MLNR: variants seen among roughly 807,000 people sequenced by gnomAD.
MLNR encodes the protein G protein-coupled receptor 38.
In MLNR, 16 loss-of-function variants were observed where a neutral mutation model predicts 20.0. The observed-to-expected ratio is 0.80, with a 90% CI of 0.54 to 1.22. MLNR has a LOEUF of 1.22. Among genes scored for constraint, MLNR ranks in the 50% most tolerant of loss-of-function variants. The pLI, the probability that MLNR is intolerant of heterozygous loss-of-function variation, is 0.00. For missense variants in MLNR, 630 were observed against 592.3 expected (o/e 1.06, Z -0.66); for synonymous variants, 302 against 287.2 (o/e 1.05, Z -0.52).
Position 49,220,531 on chromosome 13 carries a change from G to A in MLNR, c.194G>A (p.Arg65His). 1 of 1,610,572 alleles carries A rather than the reference G, an allele frequency of 6.2e-7. No individual in the cohort carries two copies. The highest frequency in any genetic ancestry group is 8.5e-7 in the Non-Finnish European group (1 of 1,178,590). The change falls in exon 1 of 2, where the codon CGC becomes CAC. Residue 65 changes from arginine (R) to histidine (H), a missense_variant. Arg to His is a conservative substitution (Grantham distance 29). Coordinates refer to ENST00000218721, the MANE Select transcript of MLNR (RefSeq NM_001507.1). The surrounding 1 kb of genome is among the most constrained non-coding windows in gnomAD (Gnocchi z 4.4). ...GNVVTVMLIG[R>H]YRDMRTTTNL... ...GTGGTGACCGTGATGCTGATCGGGC[G>A]CTACCGGGACATGCGGACCACCACC...
At position 49,221,160 on chromosome 13, in the gene MLNR, T is replaced by C. The variant is rs1887005352; in HGVS notation, c.823T>C (p.Trp275Arg). The C allele has an allele frequency of 6.3e-7, 1 of 1,589,994 alleles. No individual in the cohort carries two copies. The highest frequency in any genetic ancestry group is 8.5e-7 in the Non-Finnish European group (1 of 1,176,582). Residue 275 changes from tryptophan to arginine, a missense_variant, in exon 1 of 2, where the codon TGG becomes CGG. By Grantham distance (101) the Trp-to-Arg change is moderately radical. Transcript: ENST00000218721. ...ILYGLIGRELWSSRRPLRGPA... is the reference protein window; with the variant it reads ...ILYGLIGRELRSSRRPLRGPA... ...CTACGGGCTCATCGGGCGGGAGCTG[T>C]GGAGCAGCCGGCGGCCGCTGCGAGG... is the stretch of plus-strand genomic sequence containing the variant.
chr13:49,221,273 C>A, intron 1 of MLNR, 35 bp downstream of exon 1: 1 of 1,539,676 alleles, frequency 6.5e-7, no homozygotes, highest in Non-Finnish European at 8.7e-7. Context: ...AAGACGCCTG[C>A]CTGCAGTCCG....
rs1201396634 is a variant in MLNR, at chr13:49,220,878, C to T, written c.541C>T (p.Gln181Ter). 6.4e-7 allele frequency: 1 copy of T among 1,568,906 alleles called. No homozygotes were observed. Among genetic ancestry groups the T allele is most frequent in the Non-Finnish European group, 8.6e-7 (1 of 1,159,514 alleles). Residue 181 changes from glutamine (Q) to a stop codon, truncating the protein, a stop_gained, in exon 1 of 2, where the codon CAG becomes TAG. Coordinates refer to ENST00000218721, the MANE Select transcript of MLNR (RefSeq NM_001507.1). LOFTEE classifies it high-confidence loss of function. This position sits in a 1 kb window ranked among gnomAD's most constrained non-coding sequence, Gnocchi z 4.4. ...CTTCTTGTTCCTGGTGGGCGTCGAG[C>T]AGGACCCCGGCATCTCCGTAGTCCC... ...GPFLFLVGVE[Q>*]DPGISVVPGL...
In MLNR at chr13:49,221,972, G is replaced by T. The variant is rs1046893595; in HGVS notation, c.902-68G>T. On this transcript the variant is annotated intron_variant, in intron 1 of 1. Transcript: ENST00000218721. ...TACTTGTTATTGCAGATGGTTCCTT[G>T]TCGGGGTGGGGGGTTTATTTGCTTC... is the stretch of plus-strand genomic sequence containing the variant. 12 of 1,394,236 alleles carry T rather than the reference G, an allele frequency of 8.6e-6. No homozygotes were observed. The South Asian group carries it at 1.1e-4, about 12-fold the overall frequency. The allele number at this position is 1,394,236 out of a possible 1,614,324, so 86.4% of individuals were successfully genotyped here.
rs1887019611 is a variant in MLNR at position 49,222,056 on chromosome 13, AT to A, written c.921del (p.Phe307LeufsTer2). The A allele has an allele frequency of 6.2e-7, 1 of 1,613,676 alleles. No individual in the cohort carries two copies. Among genetic ancestry groups the A allele is most frequent in the African/African-American group, 1.3e-5 (1 of 74,860 alleles). Reference sequence around the variant, plus strand: ...ATGTTGCAGTGGTGGTGGTTCTGGCATTTATAATTTGCTGGTTGCCCTTCCA... The same window carrying A: ...ATGTTGCAGTGGTGGTGGTTCTGGCATTATAATTTGCTGGTTGCCCTTCCA... The part of the protein sequence containing the change: ...VRVLLVVVLA[F>X]IICWLPFHVG... On this transcript the variant is annotated frameshift_variant, in exon 2 of 2. Transcript: ENST00000218721. LOFTEE classifies it low-confidence loss of function (END_TRUNC).
chr13:49,220,845 GC>G lies in MLNR; in HGVS notation c.510del (p.Gly171ValfsTer17). 1 of 1,575,868 alleles carries G rather than the reference GC, an allele frequency of 6.3e-7. No individual in the cohort carries two copies. The highest frequency in any genetic ancestry group is 1.4e-5 in the African/African-American group (1 of 73,014). ...GCTCTGGGCCGTGGCGCTGCTCTCT[GC>G]CGGTCCCTTCTTGTTCCTGGTGGGC... is the stretch of plus-strand genomic sequence containing the variant. ...AVLWAVALLS[A>X]GPFLFLVGVE... is the part of the protein sequence containing the mutation. On this transcript the variant is annotated frameshift_variant, in exon 1 of 2. Coordinates refer to ENST00000218721, the MANE Select transcript of MLNR (RefSeq NM_001507.1). LOFTEE classifies it high-confidence loss of function. The surrounding 1 kb of genome is among the most constrained non-coding windows in gnomAD (Gnocchi z 4.4).
Position 49,222,134 on chromosome 13 carries a change from C to A in MLNR, c.996C>A (p.Phe332Leu). The A allele has an allele frequency of 6.2e-7, 1 of 1,605,922 alleles. No homozygotes were observed. The highest frequency in any genetic ancestry group is 8.5e-7 in the Non-Finnish European group (1 of 1,172,886). The stretch of plus-strand genomic sequence containing the variant: ...CGGAAGATTCGCGGATGATGTACTT[C>A]TCTCAGTACTTTAACATCGTCGCTC... Reference protein sequence around the residue: ...INTEDSRMMYFSQYFNIVALQ... With the variant: ...INTEDSRMMYLSQYFNIVALQ... Residue 332 changes from phenylalanine (F) to leucine (L), a missense_variant, in exon 2 of 2, where the codon TTC becomes TTA. Phe to Leu is a conservative substitution (Grantham distance 22, BLOSUM62 0). Coordinates refer to ENST00000218721, the MANE Select transcript of MLNR (RefSeq NM_001507.1).
At position 49,220,395 on chromosome 13, in the gene MLNR, C is replaced by G. The variant is rs2138168822; in HGVS notation, c.58C>G (p.Pro20Ala). The part of the protein sequence containing the change: ...GPEGAREPPW[P>A]ALPPCDERRC... ...CGAGGGGGCGCGGGAGCCGCCGTGG[C>G]CCGCGCTGCCGCCTTGCGACGAGCG... is the stretch of plus-strand genomic sequence containing the variant. Residue 20 changes from proline (P) to alanine (A), a missense_variant, in exon 1 of 2, where the codon CCC becomes GCC. By Grantham distance (27) the Pro-to-Ala change is conservative (BLOSUM62 -1). Transcript: ENST00000218721. This position sits in a 1 kb window ranked among gnomAD's most constrained non-coding sequence, Gnocchi z 4.4. 1 of 1,504,752 alleles carries G rather than the reference C, an allele frequency of 6.6e-7. No homozygotes were observed. The highest frequency in any genetic ancestry group is 8.8e-7 in the Non-Finnish European group (1 of 1,133,004). The allele number at this position is 1,504,752 out of a possible 1,614,324, so 93.2% of individuals were successfully genotyped here. A position where few individuals can be genotyped will look rare whatever the true frequency, so the allele number is the denominator to read the frequency against.
Position 49,220,514 on chromosome 13 carries a change from C to G in MLNR, c.177C>G (p.Thr59=), listed in dbSNP as rs9568169. ...TCGGGGTGAGCGGCAACGTGGTGACCGTGATGCTGATCGGGCGCTACCGGG... is the reference window on the plus strand; with the variant it reads ...TCGGGGTGAGCGGCAACGTGGTGACGGTGATGCTGATCGGGCGCTACCGGG... ...FVVGVSGNVV[T]VMLIGRYRDM... Residue 59 remains threonine (T), a synonymous_variant, in exon 1 of 2, where the codon ACC becomes ACG. Transcript: ENST00000218721. The surrounding 1 kb of genome is among the most constrained non-coding windows in gnomAD (Gnocchi z 4.4). 1 of 1,603,998 alleles carries G rather than the reference C, an allele frequency of 6.2e-7. No homozygotes were observed. The highest frequency in any genetic ancestry group is 8.5e-7 in the Non-Finnish European group (1 of 1,175,648).
rs199861756 is a variant in MLNR at position 49,220,446 on chromosome 13, G to A, written c.109G>A (p.Ala37Thr). The change falls in exon 1 of 2, where the codon GCG becomes ACG. Residue 37 changes from alanine (A) to threonine (T), a missense_variant. Transcript: ENST00000218721. This position sits in a 1 kb window ranked among gnomAD's most constrained non-coding sequence, Gnocchi z 4.4. ...ERRCSPFPLG[A>T]LVPVTAVCLC... The stretch of plus-strand genomic sequence containing the variant: ...CCGCTGCTCGCCCTTTCCCCTGGGG[G>A]CGCTGGTGCCGGTGACCGCTGTGTG... 2 of 1,552,078 alleles carry A rather than the reference G, an allele frequency of 1.3e-6. No homozygotes were observed. Among genetic ancestry groups the A allele is most frequent in the Non-Finnish European group, 8.7e-7 (1 of 1,152,646 alleles).
At position 49,221,216 on chromosome 13, in the gene MLNR, C is replaced by T. The variant is rs1289695300; in HGVS notation, c.879C>T (p.His293=). The stretch of plus-strand genomic sequence containing the variant: ...CCGCCTCGGGGCGGGAGAGAGGCCA[C>T]CGGCAGACCGTCCGCGTCCTGCGTA... ...GPAASGRERG[H]RQTVRVLLVV... is the part of the protein sequence containing the mutation. Residue 293 remains histidine, a synonymous_variant, in exon 1 of 2, where the codon CAC becomes CAT. Coordinates refer to ENST00000218721, the MANE Select transcript of MLNR (RefSeq NM_001507.1). The T allele has an allele frequency of 6.3e-7, 1 of 1,584,822 alleles. No individual in the cohort carries two copies. Among genetic ancestry groups the T allele is most frequent in the Non-Finnish European group, 8.5e-7 (1 of 1,173,628 alleles).
Position 49,220,671 on chromosome 13 carries a change from C to G in MLNR, c.334C>G (p.Arg112Gly), listed in dbSNP as rs199546202. Residue 112 changes from arginine to glycine, a missense_variant, in exon 1 of 2, where the codon CGC (arginine) becomes GGC (glycine). Arg to Gly is a moderately radical substitution (Grantham distance 125). Transcript: ENST00000218721. The surrounding 1 kb of genome is among the most constrained non-coding windows in gnomAD (Gnocchi z 4.4). Reference protein sequence around the residue: ...RPWVFGPLLCRLSLYVGEGCT... With the variant: ...RPWVFGPLLCGLSLYVGEGCT... ...CTGGGTGTTCGGGCCGCTGCTCTGC[C>G]GCCTGTCCCTCTACGTGGGCGAGGG... The G allele has an allele frequency of 9.3e-6, 15 of 1,606,380 alleles. No individual in the cohort carries two copies. Among genetic ancestry groups the G allele is most frequent in the Non-Finnish European group, 1.1e-5 (13 of 1,177,392 alleles).
intron 1 of MLNR, 133 bp downstream of exon 1, chr13:49,221,371 T>G (rs1887010040): frequency 1.8e-5 from 17 of 919,262 alleles, no homozygotes; most frequent in Non-Finnish European, 2.3e-5. Flanking sequence ...CCTATTTCGA[T>G]TCCAGCCTCC....
In MLNR at chr13:49,222,228, G is replaced by A. The variant is rs201256240; in HGVS notation, c.1090G>A (p.Ala364Thr). The change falls in exon 2 of 2, where the codon GCG (alanine) becomes ACG (threonine). Residue 364 changes from alanine to threonine, a missense_variant. Coordinates refer to ENST00000218721, the MANE Select transcript of MLNR (RefSeq NM_001507.1). The part of the protein sequence containing the change: ...LYNLISKKYR[A>T]AAFKLLLARK... ...CAACCTCATTTCAAAGAAGTACAGA[G>A]CGGCGGCCTTTAAACTGCTGCTCGC... 2 of 1,614,094 alleles carry A rather than the reference G, an allele frequency of 1.2e-6. No individual in the cohort carries two copies. The highest frequency in any genetic ancestry group is 1.7e-6 in the Non-Finnish European group (2 of 1,180,014).
At chr13:49,221,320 C>A in intron 1 of MLNR, 82 bp downstream of exon 1, 1 of 1,406,938 alleles carries the variant, frequency 7.1e-7, no homozygotes, top group African/African-American at 1.4e-5. Context: ...GGTCCCCTTC[C>A]CCTGCTCGCC....
chr13:49,220,430 G>C lies in MLNR; in HGVS notation c.93G>C (p.Ser31=). 1 of 1,539,116 alleles carries C rather than the reference G, an allele frequency of 6.5e-7. No individual in the cohort carries two copies. The highest frequency in any genetic ancestry group is 8.7e-7 in the Non-Finnish European group (1 of 1,147,378). Residue 31 remains serine, a synonymous_variant, in exon 1 of 2, where the codon TCG becomes TCC. Transcript: ENST00000218721. The surrounding 1 kb of genome is among the most constrained non-coding windows in gnomAD (Gnocchi z 4.4). ...CGCCTTGCGACGAGCGCCGCTGCTC[G>C]CCCTTTCCCCTGGGGGCGCTGGTGC... is the stretch of plus-strand genomic sequence containing the variant. ...ALPPCDERRC[S]PFPLGALVPV... is the part of the protein sequence containing the mutation.
At position 49,221,074 on chromosome 13, in the gene MLNR, G is replaced by C. The variant is rs1480931456; in HGVS notation, c.737G>C (p.Arg246Pro). ...RPSPAQLGAL[R>P]VMLWVTTAYF... ...AGCCCCGCGCAGCTGGGCGCGCTGC[G>C]TGTCATGCTGTGGGTCACCACCGCC... The change falls in exon 1 of 2, where the codon CGT (arginine) becomes CCT (proline). Residue 246 changes from arginine (R) to proline (P), a missense_variant. Coordinates refer to ENST00000218721, the MANE Select transcript of MLNR (RefSeq NM_001507.1). 1.4e-5 allele frequency: 22 copies of C among 1,581,978 alleles called. No individual in the cohort carries two copies. The Admixed American group carries it at 1.5e-4, about 11-fold the overall frequency.
Position 49,220,837 on chromosome 13 carries a change from T to G in MLNR, c.500T>G (p.Leu167Arg), listed in dbSNP as rs753499262. 36 of 1,571,402 alleles carry G rather than the reference T, an allele frequency of 2.3e-5. No individual in the cohort carries two copies. Among genetic ancestry groups the G allele is most frequent in the Non-Finnish European group, 3.1e-5 (36 of 1,160,618 alleles). ...ATCGCTGTGCTCTGGGCCGTGGCGC[T>G]GCTCTCTGCCGGTCCCTTCTTGTTC... is the stretch of plus-strand genomic sequence containing the variant. ...ALIAVLWAVALLSAGPFLFLV... is the reference protein window; with the variant it reads ...ALIAVLWAVARLSAGPFLFLV... The change falls in exon 1 of 2, where the codon CTG becomes CGG. Residue 167 changes from leucine to arginine, a missense_variant. Coordinates refer to ENST00000218721, the MANE Select transcript of MLNR (RefSeq NM_001507.1). The surrounding 1 kb of genome is among the most constrained non-coding windows in gnomAD (Gnocchi z 4.4).
intron 1 of MLNR, 59 bp downstream of exon 1, chr13:49,221,297 C>T (rs1224754315): frequency 4.0e-6 from 6 of 1,510,788 alleles, no homozygotes; most frequent in East Asian, 4.9e-5. Flanking sequence ...CGCCGGGGAC[C>T]GCGCAAACGC....
Sources: allele counts gnomAD v4.1 joint callset, GRCh38; gene constraint gnomAD v4.1.1; non-coding constraint Gnocchi (gnomAD v3.1); transcripts MANE v1.5; gene names NCBI Gene and HGNC (gene_info 2026-07-23, HGNC 2026-07-21).